The following SCFD2 variants were observed in gnomAD, a reference collection of about 807,000 sequenced individuals.
The protein encoded by SCFD2 is sec1 family domain-containing protein 2.
In SCFD2, 54 loss-of-function variants were observed where a neutral mutation model predicts 58.9. The observed-to-expected ratio is 0.92, with a 90% CI of 0.74 to 1.15. SCFD2 has a LOEUF of 1.15. Among genes scored for constraint, SCFD2 ranks in the 50% most tolerant of loss-of-function variants. The pLI is 0.00. For synonymous variants in SCFD2, 321 were observed against 335.9 expected (o/e 0.96, Z 0.49); for missense variants, 805 against 836.6 (o/e 0.96, Z 0.47).
intron 4 of SCFD2, among the ~76,000 whole-genome samples, chr4:53,223,949 A>C (rs1172002152): frequency 1.3e-5 from 2 of 152,288 alleles, no homozygotes; most frequent in Admixed American, 6.5e-5. Flanking sequence ...CACCTGAGAG[A>C]AGATAAAGAT....
chr4:53,152,524 C>A (rs959880079), intron 4 of SCFD2, among the ~76,000 whole-genome samples: 12 of 152,132 alleles, frequency 7.9e-5, no homozygotes, highest in African/African-American at 2.7e-4. Flanking sequence ...TCTGATGAAG[C>A]AAAAACTTCA....
At chr4:53,321,410 A>G (rs986339760) in intron 2 of SCFD2, among the ~76,000 whole-genome samples, 3 of 152,046 alleles carry the variant, frequency 2.0e-5, no homozygotes, top group Non-Finnish European at 4.4e-5. Context: ...ACTTCAATCA[A>G]GTAGAAGGCA....
intron 3 of SCFD2, among the ~76,000 whole-genome samples, chr4:53,305,475 T>C (rs940480897): frequency 1.3e-5 from 2 of 152,200 alleles, no homozygotes; most frequent in African/African-American, 4.8e-5. Flanking sequence ...TAAGCACACA[T>C]ACTAATTATC....
At chr4:53,288,631 G>A (rs957954493) in intron 3 of SCFD2, among the ~76,000 whole-genome samples, 1 of 152,154 alleles carries the variant, frequency 6.6e-6, no homozygotes, top group Non-Finnish European at 1.5e-5. Flanking sequence ...AAAACCGTTA[G>A]TGAAGAATAC....
intron 5 of SCFD2, among the ~76,000 whole-genome samples, chr4:52,941,475 A>G (rs746824436): frequency 1.3e-5 from 2 of 152,244 alleles, no homozygotes; most frequent in Admixed American, 6.5e-5. Context: ...CTCCTTGCCC[A>G]GAAGCTGAGA....
At chr4:53,254,497 TG>T (rs1479872742) in intron 4 of SCFD2, among the ~76,000 whole-genome samples, 1 of 151,860 alleles carries the variant, frequency 6.6e-6, no homozygotes, top group East Asian at 1.9e-4. Context: ...TTTTTTTTTT[TG>T]TTTTATTTTA....
chr4:53,360,881 T>C (rs534416006), intron 1 of SCFD2, among the ~76,000 whole-genome samples: 1 of 152,356 alleles, frequency 6.6e-6, no homozygotes, highest in South Asian at 2.1e-4. Flanking sequence ...AATATTTTCA[T>C]GGTTCCTCTC....
At chr4:53,046,184 G>T (rs1426294528) in intron 5 of SCFD2, among the ~76,000 whole-genome samples, 1 of 152,186 alleles carries the variant, frequency 6.6e-6, no homozygotes, top group South Asian at 2.1e-4. Context: ...TGAGGATGGA[G>T]TCAGCAGTGG....
intron 5 of SCFD2, among the ~76,000 whole-genome samples, chr4:53,016,290 C>A (rs1365168969): frequency 6.6e-6 from 1 of 152,212 alleles, no homozygotes; most frequent in Non-Finnish European, 1.5e-5. Context: ...TCTTCTTTAA[C>A]CTTCATGATG....
chr4:53,183,462 A>G (rs1371335005), intron 4 of SCFD2, among the ~76,000 whole-genome samples: 2 of 151,966 alleles, frequency 1.3e-5, no homozygotes, highest in African/African-American at 4.8e-5. Flanking sequence ...ATGAGAACAC[A>G]TGGACACAGG....
Position 53,215,209 on chromosome 4 carries a change from T to A in SCFD2, c.1311+58617A>T, listed in dbSNP as rs1031118531. On this transcript the variant is annotated intron_variant, in intron 4 of 8. Coordinates refer to ENST00000401642, the MANE Select transcript of SCFD2 (RefSeq NM_152540.4). ...GTGAAGAAAGTCATTGGTAGCTTGA[T>A]GGGGATGGCATTGAATCTATAAATT... Among the ~76,000 whole-genome samples, 37 of 152,228 alleles carry A rather than the reference T, an allele frequency of 2.4e-4. 1 individual carries two copies. The highest frequency in any genetic ancestry group is 8.9e-4 in the African/African-American group (37 of 41,490).
intron 7 of SCFD2, among the ~76,000 whole-genome samples, chr4:52,893,597 C>T (rs1472477495): frequency 6.6e-6 from 1 of 152,188 alleles, no homozygotes; most frequent in Non-Finnish European, 1.5e-5. Context: ...CTCCTAGCAT[C>T]CATGCAGTTA....
At chr4:52,917,815 G>A (rs561258697) in intron 6 of SCFD2, among the ~76,000 whole-genome samples, 1 of 152,334 alleles carries the variant, frequency 6.6e-6, no homozygotes, top group South Asian at 2.1e-4. Flanking sequence ...ACTAGATGGT[G>A]TCTACTTTCT....
intron 4 of SCFD2, among the ~76,000 whole-genome samples, chr4:53,182,331 C>A (rs1445126404): frequency 3.3e-5 from 5 of 151,980 alleles, no homozygotes; most frequent in Non-Finnish European, 5.9e-5. Flanking sequence ...CAGAACAGAG[C>A]CCTCAGAAAT....
chr4:53,353,129 G>T, intron 1 of SCFD2, among the ~76,000 whole-genome samples: 1 of 152,230 alleles, frequency 6.6e-6, no homozygotes, highest in East Asian at 1.9e-4. Context: ...TCCGGAGTTT[G>T]TTCCTTCTGA....
intron 5 of SCFD2, among the ~76,000 whole-genome samples, chr4:53,094,498 T>G (rs1268761923): frequency 2.6e-5 from 4 of 152,054 alleles, no homozygotes; most frequent in Admixed American, 6.6e-5. Flanking sequence ...AATGACCTCA[T>G]GCAGCCATCA....
chr4:52,938,875 T>C (rs192240391), intron 5 of SCFD2, among the ~76,000 whole-genome samples: 3 of 152,158 alleles, frequency 2.0e-5, no homozygotes, highest in African/African-American at 7.2e-5. Flanking sequence ...TCCTCTTCCG[T>C]GTGTGGTAGG....
chr4:53,345,956 G>C (rs544629029), intron 2 of SCFD2, among the ~76,000 whole-genome samples: 12 of 152,254 alleles, frequency 7.9e-5, no homozygotes, highest in South Asian at 2.1e-4. Context: ...AGTGGATTAG[G>C]GGGGGCTTGG....
At chr4:53,243,365 T>A (rs1390170307) in intron 4 of SCFD2, among the ~76,000 whole-genome samples, 5 of 152,182 alleles carry the variant, frequency 3.3e-5, no homozygotes, top group Non-Finnish European at 5.9e-5. Flanking sequence ...AAGAGTTTCA[T>A]ATCTGGCCAA....
Sources: gnomAD v4.1 joint callset for allele counts (sites outside exome capture counted in the v4.1 genomes callset) on GRCh38, gnomAD v4.1.1 for gene constraint, MANE v1.5 for transcripts, NCBI Gene and HGNC (gene_info 2026-07-23, HGNC 2026-07-21) for gene names.